The following SLC18A2 variants were observed in gnomAD, a reference collection of about 807,000 sequenced individuals.
SLC18A2 encodes synaptic vesicular amine transporter.
Under a neutral mutation model 59.2 loss-of-function variants are expected in SLC18A2, and 33 were observed. The observed-to-expected ratio is 0.56, with a 90% CI of 0.42 to 0.75. The LOEUF (loss-of-function observed/expected upper bound fraction) is 0.75. Ranked by LOEUF, SLC18A2 falls within the 30% of genes least tolerant of loss-of-function variation. SLC18A2 has a pLI of 0.00. For synonymous variants in SLC18A2, 228 were observed against 253.5 expected, an observed-to-expected ratio of 0.90 and a Z score of 0.95; for missense variants, 569 against 668.6, an observed-to-expected ratio of 0.85 and a Z score of 1.64.
In SLC18A2 at chr10:117,266,934, T is replaced by C. The variant is rs368183930; in HGVS notation, c.1071-50T>C. 3.8e-6 allele frequency: 6 copies of C among 1,592,560 alleles called. No homozygotes were observed. In the African/African-American group the frequency reaches 8.1e-5, roughly 22 times the overall value. ...TTTGATTTTCATTGAAAATTTGGACTAGAAAAAAATCAAATGATCATTTCT... is the reference window on the plus strand; with the variant it reads ...TTTGATTTTCATTGAAAATTTGGACCAGAAAAAAATCAAATGATCATTTCT... On this transcript the variant is annotated intron_variant, in intron 11 of 15. Transcript: ENST00000644641.
chr10:117,264,292 TCA>T (rs757833553), intron 10 of SLC18A2, among the ~76,000 whole-genome samples: 4 of 152,230 alleles, frequency 2.6e-5, no homozygotes, highest in Non-Finnish European at 4.4e-5. Context: ...AACACTTTTC[TCA>T]GAGTCGGGAG....
intron 6 of SLC18A2, 103 bp downstream of exon 6, chr10:117,254,600 A>G: frequency 3.2e-6 from 2 of 626,404 alleles, no homozygotes; most frequent in Non-Finnish European, 5.1e-6. Context: ...GCACTGACAC[A>G]GAGGTCCCCT....
At position 117,269,705 on chromosome 10, in the gene SLC18A2, G is replaced by A. The variant is rs1220124379; in HGVS notation, c.1187-366G>A. On this transcript the variant is annotated intron_variant, in intron 13 of 15. Coordinates refer to ENST00000644641, the MANE Select transcript of SLC18A2 (RefSeq NM_003054.6). This position sits in a 1 kb window ranked among gnomAD's most constrained non-coding sequence, Gnocchi z 5.1. ...CCACATGTGTCAGTGGCAGGCACATGAGGAAAGTTTCTTTCATTGAAATGG... is the reference window on the plus strand; with the variant it reads ...CCACATGTGTCAGTGGCAGGCACATAAGGAAAGTTTCTTTCATTGAAATGG... 6.6e-6 allele frequency among the ~76,000 whole-genome samples: 1 copy of A among 152,200 alleles called. No homozygotes were observed. The highest frequency in any genetic ancestry group is 2.4e-5 in the African/African-American group (1 of 41,446).
At chr10:117,253,825 G>A (rs563333055) in intron 4 of SLC18A2, among the ~76,000 whole-genome samples, 40 of 152,314 alleles carry the variant, frequency 2.6e-4, no homozygotes, top group South Asian at 1.2e-3. Flanking sequence ...CAGCCTGGGC[G>A]ACAGAGCAAG....
At chr10:117,242,810 G>A (rs536761722) in intron 2 of SLC18A2, among the ~76,000 whole-genome samples, 1 of 152,326 alleles carries the variant, frequency 6.6e-6, no homozygotes, top group South Asian at 2.1e-4. Flanking sequence ...TTGGCTCACT[G>A]CAACCTCCAC....
intron 6 of SLC18A2, 59 bp downstream of exon 6, chr10:117,254,556 C>T (rs965048972): frequency 3.6e-5 from 46 of 1,276,218 alleles, no homozygotes; most frequent in Non-Finnish European, 4.6e-5. Flanking sequence ...TGCTGGACAG[C>T]GGCAGTCCTC....
At chr10:117,268,776 C>T (rs2429506) in intron 13 of SLC18A2, 150,785 of 152,366 alleles carry the variant, frequency 0.99, 74,626 homozygotes, top group Middle Eastern at 1. Context: ...CCAAGGAGTC[C>T]GAGAGATCAT....
In SLC18A2 at chr10:117,273,922, G is replaced by A. The variant is rs566534557; in HGVS notation, c.1441-3240G>A. ...GGGGCTGGGGCTCACCTCTCAGTAA[G>A]AGGGCTTTGCTCTGAATTCAAATGC... is the stretch of plus-strand genomic sequence containing the variant. On this transcript the variant is annotated intron_variant, in intron 15 of 15. Transcript: ENST00000644641. Among the ~76,000 whole-genome samples the A allele has an allele frequency of 4.6e-5, 7 of 152,298 alleles. No homozygotes were observed. The South Asian group carries it at 1.5e-3, about 32-fold the overall frequency.
In SLC18A2 at chr10:117,278,601, A is replaced by C. The variant is rs1186539934; in HGVS notation, c.*1335A>C. On this transcript the variant is annotated 3_prime_UTR_variant, in exon 16 of 16. Transcript: ENST00000644641. ...TACTACTTGTGAATCCTGCAGTTCT[A>C]TAATCATAAACAAAAATTACTTAGT... 6.6e-6 allele frequency: 1 copy of C among 152,206 alleles called. No individual in the cohort carries two copies. Among genetic ancestry groups the C allele is most frequent in the Admixed American group, 6.5e-5 (1 of 15,288 alleles). The allele number at this position is 152,206 out of a possible 1,614,324, so 9.4% of individuals were successfully genotyped here.
At position 117,255,620 on chromosome 10, in the gene SLC18A2, C is replaced by T. The variant is rs866757829; in HGVS notation, c.858C>T (p.Thr286=). 2.5e-6 allele frequency: 4 copies of T among 1,613,922 alleles called. No individual in the cohort carries two copies. The highest frequency in any genetic ancestry group is 2.2e-5 in the East Asian group (1 of 44,894). ...QPESQKGTPL[T]TLLKDPYILI... ...AGAGTCAGAAGGGGACACCCCTAAC[C>T]ACGCTGCTGAAGGACCCGTACATCC... The change falls in exon 9 of 16, where the codon ACC becomes ACT. Residue 286 remains threonine, a synonymous_variant. Coordinates refer to ENST00000644641, the MANE Select transcript of SLC18A2 (RefSeq NM_003054.6).
chr10:117,253,454 A>G lies in SLC18A2; in HGVS notation c.520A>G (p.Ile174Val), dbSNP rs1844186460. The G allele has an allele frequency of 6.2e-7, 1 of 1,603,320 alleles. No individual in the cohort carries two copies. Among genetic ancestry groups the G allele is most frequent in the Non-Finnish European group, 8.5e-7 (1 of 1,173,388 alleles). Residue 174 changes from isoleucine (I) to valine (V), a missense_variant, in exon 4 of 16, where the codon ATT (isoleucine) becomes GTT (valine). Physicochemically the swap from Ile to Val is conservative, Grantham distance 29 (BLOSUM62 3). Coordinates refer to ENST00000644641, the MANE Select transcript of SLC18A2 (RefSeq NM_003054.6). ...AGFCIMFVST[I>V]MFAFSSSYAF... ...ATTCTGCATCATGTTTGTCTCAACA[A>G]TTAGTAAGTGTGTGGTGTTTTCCTT...
intron 4 of SLC18A2, among the ~76,000 whole-genome samples, chr10:117,253,735 A>G (rs1844191350): frequency 6.6e-6 from 1 of 152,192 alleles, no homozygotes; most frequent in Admixed American, 6.5e-5. Context: ...AGTCCCAGCT[A>G]CTGGGGAGGC....
chr10:117,268,991 CACACAA>C lies in SLC18A2; in HGVS notation c.1187-1074_1187-1069del, dbSNP rs1246489117. ...TCATACACAAACACACACATTCATA[CACACAA>C]ACACACATACACACACTGACACACG... On this transcript the variant is annotated intron_variant, in intron 13 of 15. Coordinates refer to ENST00000644641, the MANE Select transcript of SLC18A2 (RefSeq NM_003054.6). Among the ~76,000 whole-genome samples the C allele has an allele frequency of 1.3e-3, 12 of 9,572 alleles. 1 individual carries two copies. Among genetic ancestry groups the C allele is most frequent in the African/African-American group, 1.9e-3 (10 of 5,316 alleles). The allele number at this position is 9,572 out of a possible 152,430, so 6.3% of individuals were successfully genotyped here.
intron 10 of SLC18A2, among the ~76,000 whole-genome samples, chr10:117,261,896 A>G (rs10082463): frequency 3.3e-5 from 5 of 152,032 alleles, no homozygotes; most frequent in African/African-American, 1.2e-4. Context: ...TGAGCGATGC[A>G]CTGTCAAAGG....
chr10:117,262,879 G>T (rs924228017), intron 10 of SLC18A2, among the ~76,000 whole-genome samples: 2 of 152,078 alleles, frequency 1.3e-5, no homozygotes, highest in Non-Finnish European at 2.9e-5. Flanking sequence ...CTGGCCATGT[G>T]CAGGACACTT....
chr10:117,259,467 A>T (rs1230625978), intron 10 of SLC18A2, among the ~76,000 whole-genome samples: 1 of 152,036 alleles, frequency 6.6e-6, no homozygotes. Flanking sequence ...CTTGCCCTTG[A>T]CTGACTTCCT....
Position 117,244,179 on chromosome 10 carries a change from G to T in SLC18A2, c.330G>T (p.Ala110=). 4 of 1,614,182 alleles carry T rather than the reference G, an allele frequency of 2.5e-6. No individual in the cohort carries two copies. Among genetic ancestry groups the T allele is most frequent in the Non-Finnish European group, 3.4e-6 (4 of 1,180,034 alleles). Reference sequence around the variant, plus strand: ...CCACACAGCACATGGTGACCAACGCGTCCGCTGTTCCTTCCGACTGTCCCA... The same window carrying T: ...CCACACAGCACATGGTGACCAACGCTTCCGCTGTTCCTTCCGACTGTCCCA... ...QTATQHMVTN[A]SAVPSDCPSE... The change falls in exon 3 of 16, where the codon GCG becomes GCT. Residue 110 remains alanine, a synonymous_variant. Coordinates refer to ENST00000644641, the MANE Select transcript of SLC18A2 (RefSeq NM_003054.6).
intron 6 of SLC18A2, 63 bp from the exon 7 acceptor site, chr10:117,255,214 G>T: frequency 7.0e-7 from 1 of 1,423,656 alleles, no homozygotes; most frequent in South Asian, 1.2e-5. Flanking sequence ...TCAAATAGAT[G>T]GTTCTAGTAC....
chr10:117,268,882 A>T (rs1297570726), intron 13 of SLC18A2, among the ~76,000 whole-genome samples: 1 of 150,500 alleles, frequency 6.6e-6, no homozygotes, highest in African/African-American at 2.4e-5. Context: ...TGTGTGTATG[A>T]GTGTGTATGT....
Sources: allele counts gnomAD v4.1 joint callset (sites outside exome capture counted in the v4.1 genomes callset), GRCh38; gene constraint gnomAD v4.1.1; non-coding constraint Gnocchi (gnomAD v3.1); transcripts MANE v1.5; gene names NCBI Gene and HGNC (gene_info 2026-07-23, HGNC 2026-07-21).